MBD5: variants seen among roughly 807,000 people sequenced by gnomAD.
MBD5 encodes the protein methyl-CpG-binding domain protein 5.
In MBD5, 13 loss-of-function variants were observed where a neutral mutation model predicts 117.3. The observed-to-expected ratio is 0.11, with a 90% CI of 0.07 to 0.18. MBD5 has a LOEUF of 0.18. MBD5 is among the 10% of genes least tolerant of loss of function. MBD5 has a pLI of 1.00. For synonymous variants in MBD5, 727 were observed against 766.4 expected, an observed-to-expected ratio of 0.95 and a Z score of 0.85; for missense variants, 1,879 against 2,093.8, an observed-to-expected ratio of 0.90 and a Z score of 2.00.
At chr2:148,023,260 ATAT>A (rs1693813499) in intron 1 of MBD5, among the ~76,000 whole-genome samples, 1 of 152,176 alleles carries the variant, frequency 6.6e-6, no homozygotes. Context: ...TTTGGCAAAA[ATAT>A]TATAAAGACA....
intron 1 of MBD5, among the ~76,000 whole-genome samples, chr2:148,156,333 A>T (rs930396372): frequency 1.3e-5 from 2 of 152,326 alleles, no homozygotes; most frequent in East Asian, 3.9e-4. Context: ...GTCTGTTTGT[A>T]CACTAACAGG....
intron 3 of MBD5, among the ~76,000 whole-genome samples, chr2:148,246,156 A>G (rs115217080): frequency 0.014 from 2,141 of 152,318 alleles, 59 homozygotes; most frequent in African/African-American, 0.049. Flanking sequence ...GATAGGAATC[A>G]TTATTTCCAG....
At chr2:148,326,185 A>C (rs1245827756) in intron 3 of MBD5, among the ~76,000 whole-genome samples, 4 of 152,224 alleles carry the variant, frequency 2.6e-5, no homozygotes, top group Admixed American at 6.5e-5. Flanking sequence ...GTTTGATTGC[A>C]CTACGGTCTG....
intron 4 of MBD5, among the ~76,000 whole-genome samples, chr2:148,394,586 A>G (rs1293670782): frequency 1.1e-5 from 1 of 91,140 alleles, no homozygotes; most frequent in Admixed American, 1.1e-4. Flanking sequence ...TCCATACCTT[A>G]TTTGAACATT....
chr2:148,291,596 T>G (rs1701502073), intron 3 of MBD5, among the ~76,000 whole-genome samples: 5 of 152,230 alleles, frequency 3.3e-5, no homozygotes, highest in Admixed American at 2.6e-4. Flanking sequence ...ATCCTGCAAT[T>G]TTGCTGAACT....
At chr2:148,361,484 G>A (rs999124628) in intron 4 of MBD5, among the ~76,000 whole-genome samples, 9 of 152,160 alleles carry the variant, frequency 5.9e-5, no homozygotes, top group African/African-American at 2.2e-4. Context: ...CTGTTGCAGA[G>A]CCATTTTTAA....
At chr2:148,183,467 T>TCA (rs1286915573) in intron 2 of MBD5, among the ~76,000 whole-genome samples, 1 of 152,104 alleles carries the variant, frequency 6.6e-6, no homozygotes, top group African/African-American at 2.4e-5. Context: ...TTTCAATATT[T>TCA]AAGTTTTTCC....
chr2:148,419,188 T>A (rs1339704885), intron 4 of MBD5, among the ~76,000 whole-genome samples: 1 of 152,158 alleles, frequency 6.6e-6, no homozygotes, highest in Non-Finnish European at 1.5e-5. Flanking sequence ...TGTAGAAGAA[T>A]GATACTGGAT....
At chr2:148,138,463 A>G (rs1281628129) in intron 1 of MBD5, among the ~76,000 whole-genome samples, 2 of 152,242 alleles carry the variant, frequency 1.3e-5, no homozygotes, top group African/African-American at 4.8e-5. Context: ...TTCTTCAAAG[A>G]GAATGCACAC....
intron 3 of MBD5, among the ~76,000 whole-genome samples, chr2:148,266,856 C>A (rs529666560): frequency 6.6e-6 from 1 of 152,122 alleles, no homozygotes; most frequent in East Asian, 1.9e-4. Context: ...CACAATAAAA[C>A]GCAAATTTCT....
In MBD5 at chr2:148,489,916, A is replaced by T. The variant is rs749348330; in HGVS notation, c.4284A>T (p.Lys1428Asn). ...FKSASCHTSK[K>N]QWDGEQSPRG... is the part of the protein sequence containing the mutation. ...CAGCAAGTTGCCACACATCCAAAAA[A>T]CAGTGGGACGGGGAGCAAAGCCCCA... Residue 1428 changes from lysine (K) to asparagine (N), a missense_variant, in exon 11 of 14, where the codon AAA becomes AAT. Coordinates refer to ENST00000642680, the MANE Select transcript of MBD5 (RefSeq NM_001378120.1). 3 of 1,614,038 alleles carry T rather than the reference A, an allele frequency of 1.9e-6. No homozygotes were observed. In the African/African-American group the frequency reaches 4.0e-5, roughly 22 times the overall value.
At chr2:148,305,366 C>T (rs1701868895) in intron 3 of MBD5, among the ~76,000 whole-genome samples, 1 of 152,124 alleles carries the variant, frequency 6.6e-6, no homozygotes, top group African/African-American at 2.4e-5. Context: ...AGGATGTCTG[C>T]CGGATGGTAT....
chr2:148,252,740 G>A (rs1700496696), intron 3 of MBD5, among the ~76,000 whole-genome samples: 1 of 152,106 alleles, frequency 6.6e-6, no homozygotes, highest in African/African-American at 2.4e-5. Context: ...TGTAGAGACA[G>A]GGTCTCACCA....
chr2:148,449,541 G>A, intron 4 of MBD5, among the ~76,000 whole-genome samples: 1 of 151,804 alleles, frequency 6.6e-6, no homozygotes, highest in East Asian at 1.9e-4. Flanking sequence ...AGATGAATGG[G>A]AGCTATTCAG....
chr2:148,238,173 T>C lies in MBD5; in HGVS notation c.-680+4778T>C, dbSNP rs534371128. Reference sequence around the variant, plus strand: ...TTGTTTTACATCATTGTTTCTGTTTTACTGCTGCTAAATTTTGTTCACATT... The same window carrying C: ...TTGTTTTACATCATTGTTTCTGTTTCACTGCTGCTAAATTTTGTTCACATT... On this transcript the variant is annotated intron_variant, in intron 3 of 13. Coordinates refer to ENST00000642680, the MANE Select transcript of MBD5 (RefSeq NM_001378120.1). Among the ~76,000 whole-genome samples the C allele has an allele frequency of 3.9e-5, 6 of 152,368 alleles. No homozygotes were observed. The South Asian group carries it at 8.3e-4, about 21-fold the overall frequency.
At chr2:148,272,486 T>C (rs1701008409) in intron 3 of MBD5, among the ~76,000 whole-genome samples, 1 of 152,236 alleles carries the variant, frequency 6.6e-6, no homozygotes. Context: ...CTAACAAGTG[T>C]GTAGTGATAC....
intron 2 of MBD5, among the ~76,000 whole-genome samples, chr2:148,195,015 T>C (rs956784012): frequency 1.6e-4 from 24 of 152,200 alleles, no homozygotes; most frequent in African/African-American, 5.8e-4. Flanking sequence ...CCATACTGTT[T>C]CTGTCACAAC....
chr2:148,380,541 A>G (rs1259098760), intron 4 of MBD5, among the ~76,000 whole-genome samples: 1 of 152,228 alleles, frequency 6.6e-6, no homozygotes, highest in Non-Finnish European at 1.5e-5. Flanking sequence ...ACTTTTAACT[A>G]GACAAAAACT....
intron 3 of MBD5, among the ~76,000 whole-genome samples, chr2:148,336,674 A>T (rs1702798029): frequency 6.6e-6 from 1 of 152,160 alleles, no homozygotes; most frequent in South Asian, 2.1e-4. Flanking sequence ...GACATGAGCC[A>T]CCATACCTGG....
Sources: gnomAD v4.1 joint callset for allele counts (sites outside exome capture counted in the v4.1 genomes callset) on GRCh38, gnomAD v4.1.1 for gene constraint, MANE v1.5 for transcripts, NCBI Gene and HGNC (gene_info 2026-07-23, HGNC 2026-07-21) for gene names.